The following STXBP5L variants were observed in gnomAD, a reference collection of about 807,000 sequenced individuals.
STXBP5L encodes the protein syntaxin-binding protein 5-like.
Under a neutral mutation model 144.5 loss-of-function variants are expected in STXBP5L, and 65 were observed. The ratio of observed to expected loss-of-function variants is 0.45; its 90% CI spans 0.37 to 0.55. STXBP5L has a LOEUF of 0.55. Ranked by LOEUF, STXBP5L falls within the 20% of genes least tolerant of loss-of-function variation. The pLI is 0.00. For missense variants in STXBP5L, 1,298 were observed against 1,405.5 expected (o/e 0.92, Z 1.22); for synonymous variants, 505 against 469.6 (o/e 1.08, Z -0.97).
intron 5 of STXBP5L, among the ~76,000 whole-genome samples, chr3:121,085,892 C>T (rs953195083): frequency 1.3e-5 from 2 of 152,072 alleles, no homozygotes; most frequent in Non-Finnish European, 2.9e-5. Context: ...AAGAACAAAG[C>T]TGGAGGCACC....
At chr3:121,096,686 G>GAA (rs569114642) in intron 5 of STXBP5L, among the ~76,000 whole-genome samples, 1 of 147,672 alleles carries the variant, frequency 6.8e-6, no homozygotes, top group Non-Finnish European at 1.5e-5. Context: ...AACAGCGAAA[G>GAA]AAAAAAAAAA....
intron 2 of STXBP5L, among the ~76,000 whole-genome samples, chr3:120,950,560 G>A (rs1711151148): frequency 6.6e-6 from 1 of 151,944 alleles, no homozygotes; most frequent in Non-Finnish European, 1.5e-5. Context: ...TATACTTTAA[G>A]TTTTAGGGTA....
At chr3:121,057,183 G>C (rs1948521462) in intron 5 of STXBP5L, among the ~76,000 whole-genome samples, 1 of 151,844 alleles carries the variant, frequency 6.6e-6, no homozygotes, top group Admixed American at 6.6e-5. Flanking sequence ...GAAGCCGAAA[G>C]AAAACTTCAT....
chr3:121,004,458 A>G (rs532206132), intron 3 of STXBP5L, among the ~76,000 whole-genome samples: 125 of 151,750 alleles, frequency 8.2e-4, no homozygotes, highest in Middle Eastern at 3.4e-3. Context: ...GGGCTGAGAC[A>G]ATGGGGTTTT....
chr3:120,974,995 C>G (rs905589330), intron 3 of STXBP5L, among the ~76,000 whole-genome samples: 67 of 152,086 alleles, frequency 4.4e-4, no homozygotes, highest in African/African-American at 1.3e-3. Context: ...CAGCTTTGTT[C>G]TTTTGGCTTA....
chr3:121,275,645 C>T (rs988112078), intron 18 of STXBP5L, among the ~76,000 whole-genome samples: 1 of 151,996 alleles, frequency 6.6e-6, no homozygotes, highest in Non-Finnish European at 1.5e-5. Context: ...CATACTACAC[C>T]TTAATTGTAG....
At chr3:121,056,279 A>C (rs1041598952) in intron 5 of STXBP5L, among the ~76,000 whole-genome samples, 4 of 152,174 alleles carry the variant, frequency 2.6e-5, no homozygotes, top group Admixed American at 2.6e-4. Context: ...CACAATCATA[A>C]ATTTATGTAA....
rs1397351464 is a variant in STXBP5L at position 120,908,258 on chromosome 3, G to A, written c.-85G>A. ...CCAGGCGCCGCGACCAGAGGGCCCA[G>A]AGAAGCGGCCGGAGCCCGCCTACCT... On this transcript the variant is annotated 5_prime_UTR_variant, in exon 1 of 27. Coordinates refer to ENST00000471454, the MANE Select transcript of STXBP5L (RefSeq NM_001308330.2). 1 of 152,412 alleles carries A rather than the reference G, an allele frequency of 6.6e-6. No homozygotes were observed. The highest frequency in any genetic ancestry group is 6.5e-5 in the Admixed American group (1 of 15,286). The allele number at this position is 152,412 out of a possible 1,614,324, so 9.4% of individuals were successfully genotyped here.
At chr3:120,944,027 T>A (rs576695741) in intron 2 of STXBP5L, among the ~76,000 whole-genome samples, 2 of 151,612 alleles carry the variant, frequency 1.3e-5, no homozygotes, top group South Asian at 4.1e-4. Context: ...GAAGAAAATT[T>A]AAAAAAATTA....
At chr3:120,982,740 G>A (rs1259179780) in intron 3 of STXBP5L, among the ~76,000 whole-genome samples, 6 of 152,210 alleles carry the variant, frequency 3.9e-5, no homozygotes, top group Non-Finnish European at 8.8e-5. Flanking sequence ...CAGCTGTGAT[G>A]TTGTCAGCTG....
intron 3 of STXBP5L, among the ~76,000 whole-genome samples, chr3:121,025,146 A>G (rs367720556): frequency 2.4e-4 from 37 of 152,156 alleles, no homozygotes; most frequent in African/African-American, 8.9e-4. Flanking sequence ...AGAGAGGCCA[A>G]GAGAGATGTT....
intron 5 of STXBP5L, among the ~76,000 whole-genome samples, chr3:121,114,385 AC>A (rs68045135): frequency 0.019 from 2,928 of 152,302 alleles, 101 homozygotes; most frequent in African/African-American, 0.067. Flanking sequence ...AGACATAGCT[AC>A]CACTTCTCTG....
intron 3 of STXBP5L, among the ~76,000 whole-genome samples, chr3:121,025,671 C>T (rs1462184168): frequency 6.6e-6 from 1 of 151,624 alleles, no homozygotes; most frequent in Non-Finnish European, 1.5e-5. Flanking sequence ...CCAATAGTTT[C>T]TGTAAACCGT....
chr3:121,110,516 G>A (rs1183240648), intron 5 of STXBP5L, among the ~76,000 whole-genome samples: 1 of 152,136 alleles, frequency 6.6e-6, no homozygotes, highest in South Asian at 2.1e-4. Flanking sequence ...GAAATTCTGG[G>A]TTGAGTATTC....
At chr3:121,167,522 G>A (rs769937703) in intron 9 of STXBP5L, among the ~76,000 whole-genome samples, 3 of 152,234 alleles carry the variant, frequency 2.0e-5, no homozygotes, top group Non-Finnish European at 4.4e-5. Flanking sequence ...TGAGGCTTGA[G>A]TAGGCTGTTT....
chr3:121,276,297 A>G (rs2050884199), intron 18 of STXBP5L, among the ~76,000 whole-genome samples: 1 of 151,952 alleles, frequency 6.6e-6, no homozygotes, highest in African/African-American at 2.4e-5. Context: ...GCTTCTATTT[A>G]TCCTCCTGTT....
At chr3:121,301,908 G>C (rs1298230445) in intron 19 of STXBP5L, among the ~76,000 whole-genome samples, 1 of 152,180 alleles carries the variant, frequency 6.6e-6, no homozygotes, top group Non-Finnish European at 1.5e-5. Flanking sequence ...ACTTGACTAT[G>C]GTGGATAAGC....
chr3:120,918,765 T>G (rs1709223451), intron 2 of STXBP5L, among the ~76,000 whole-genome samples: 1 of 152,202 alleles, frequency 6.6e-6, no homozygotes, highest in Non-Finnish European at 1.5e-5. Flanking sequence ...ATGTTGCATT[T>G]TCACTTGGCT....
intron 7 of STXBP5L, among the ~76,000 whole-genome samples, chr3:121,132,519 G>A (rs1369714071): frequency 6.6e-6 from 1 of 152,206 alleles, no homozygotes; most frequent in Non-Finnish European, 1.5e-5. Context: ...TAGGCCAATT[G>A]GTGGGGTACT....
Sources: gnomAD v4.1 joint callset for allele counts (sites outside exome capture counted in the v4.1 genomes callset) on GRCh38, gnomAD v4.1.1 for gene constraint, MANE v1.5 for transcripts, NCBI Gene and HGNC (gene_info 2026-07-23, HGNC 2026-07-21) for gene names.